The following GALNT13 variants were observed in gnomAD, a reference collection of about 807,000 sequenced individuals.
GALNT13 encodes polypeptide N-acetylgalactosaminyltransferase 13, also known as UDP-GalNAc:polypeptide N-acetylgalactosaminyltransferase 13.
GALNT13 carries 28 observed loss-of-function variants against 64.2 expected under a neutral mutation model. That is an observed-to-expected ratio of 0.44 (90% CI 0.32 to 0.60). The LOEUF (loss-of-function observed/expected upper bound fraction) is 0.60. Among genes scored for constraint, GALNT13 ranks in the 20% least tolerant of loss-of-function variants. GALNT13 has a pLI of 0.05. For synonymous variants in GALNT13, 214 were observed against 224.6 expected (o/e 0.95, Z 0.42); for missense variants, 577 against 669.8 (o/e 0.86, Z 1.53).
chr2:154,438,996 T>G (rs1219676065), intron 12 of GALNT13, among the ~76,000 whole-genome samples: 2 of 152,150 alleles, frequency 1.3e-5, no homozygotes, highest in Non-Finnish European at 2.9e-5. Flanking sequence ...CAAACATAAA[T>G]TAGGCAAGAG....
chr2:153,969,616 G>T (rs1693611940), intron 3 of GALNT13, among the ~76,000 whole-genome samples: 1 of 151,884 alleles, frequency 6.6e-6, no homozygotes. Context: ...TTTTCTTACA[G>T]TATTAAATTT....
chr2:153,575,894 A>G, the GALNT13 span, among the ~76,000 whole-genome samples: 1 of 152,116 alleles, frequency 6.6e-6, no homozygotes, highest in Non-Finnish European at 1.5e-5. Flanking sequence ...GGCTTACTTA[A>G]GGCCCTTGAT....
the GALNT13 span, among the ~76,000 whole-genome samples, chr2:153,074,421 A>G: frequency 1.8e-4 from 28 of 152,288 alleles, no homozygotes; most frequent in African/African-American, 5.3e-4. Context: ...GTGTTACTTA[A>G]CAATGGGGAT....
At chr2:154,271,006 C>A (rs1451781963) in intron 8 of GALNT13, among the ~76,000 whole-genome samples, 11 of 151,872 alleles carry the variant, frequency 7.2e-5, no homozygotes, top group Non-Finnish European at 1.6e-4. Flanking sequence ...TGTTAGCATT[C>A]TTTTCTCTTA....
At chr2:153,592,028 A>G in the GALNT13 span, among the ~76,000 whole-genome samples, 23,193 of 151,880 alleles carry the variant, frequency 0.15, 1,884 homozygotes, top group African/African-American at 0.19. Context: ...CATGAACAGA[A>G]TTTTTTCAAA....
the GALNT13 span, among the ~76,000 whole-genome samples, chr2:153,294,915 G>A: frequency 1.3e-5 from 2 of 152,110 alleles, no homozygotes; most frequent in Non-Finnish European, 2.9e-5. Context: ...CAAAGCTTTA[G>A]ACTCCAAGAA....
At chr2:153,111,915 T>C in the GALNT13 span, among the ~76,000 whole-genome samples, 1 of 152,170 alleles carries the variant, frequency 6.6e-6, no homozygotes, top group Non-Finnish European at 1.5e-5. Flanking sequence ...ATCTAATACT[T>C]ATGGCTTATT....
the GALNT13 span, among the ~76,000 whole-genome samples, chr2:153,239,800 T>G: frequency 6.6e-6 from 1 of 152,202 alleles, no homozygotes; most frequent in Non-Finnish European, 1.5e-5. Context: ...TTTTGATGTG[T>G]CTTTGCCTGG....
intron 3 of GALNT13, among the ~76,000 whole-genome samples, chr2:154,034,839 T>G (rs955337525): frequency 2.6e-5 from 4 of 152,160 alleles, no homozygotes; most frequent in African/African-American, 9.6e-5. Flanking sequence ...CACAGATAAC[T>G]GCAAGTTAAA....
the GALNT13 span, among the ~76,000 whole-genome samples, chr2:153,633,946 A>G: frequency 6.6e-6 from 1 of 152,312 alleles, no homozygotes; most frequent in East Asian, 1.9e-4. Flanking sequence ...TGTCTGACTT[A>G]AATTCTACAG....
chr2:153,864,842 G>A, the GALNT13 span, among the ~76,000 whole-genome samples: 12 of 147,982 alleles, frequency 8.1e-5, no homozygotes, highest in Middle Eastern at 3.4e-3. Flanking sequence ...AAAAGAGCCC[G>A]CATCGCCAAG....
At chr2:153,913,988 G>A (rs990838342) in intron 2 of GALNT13, among the ~76,000 whole-genome samples, 2 of 151,922 alleles carry the variant, frequency 1.3e-5, no homozygotes, top group Non-Finnish European at 2.9e-5. Flanking sequence ...TTTAAATATC[G>A]CCCTTGCATA....
At chr2:153,916,080 T>C (rs1689317742) in intron 2 of GALNT13, among the ~76,000 whole-genome samples, 1 of 152,000 alleles carries the variant, frequency 6.6e-6, no homozygotes, top group South Asian at 2.1e-4. Context: ...TCTTTTCTTT[T>C]CTTTTTCCTT....
chr2:154,435,581 A>G (rs745954441), intron 11 of GALNT13, among the ~76,000 whole-genome samples: 5 of 152,214 alleles, frequency 3.3e-5, no homozygotes, highest in Non-Finnish European at 2.9e-5. Context: ...AAATTATCAG[A>G]AACATCTGTC....
the GALNT13 span, among the ~76,000 whole-genome samples, chr2:153,403,637 G>A: frequency 4.1e-4 from 62 of 152,272 alleles, no homozygotes; most frequent in African/African-American, 1.4e-3. Context: ...GTGATGCGCC[G>A]TTTTTCAAGC....
chr2:153,112,375 T>G, the GALNT13 span, among the ~76,000 whole-genome samples: 1 of 152,138 alleles, frequency 6.6e-6, no homozygotes, highest in Non-Finnish European at 1.5e-5. Flanking sequence ...TGACTGGGTG[T>G]GTTAGTCTGT....
chr2:153,211,308 A>C, the GALNT13 span, among the ~76,000 whole-genome samples: 1 of 151,810 alleles, frequency 6.6e-6, no homozygotes, highest in East Asian at 2.0e-4. Context: ...ATGCCCAACT[A>C]ATTTTTTGTA....
intron 3 of GALNT13, among the ~76,000 whole-genome samples, chr2:154,057,946 T>C (rs1699981395): frequency 6.6e-6 from 1 of 152,222 alleles, no homozygotes; most frequent in Admixed American, 6.5e-5. Flanking sequence ...TCAACTAATA[T>C]TTATTGAACA....
chr2:153,110,155 C>T, the GALNT13 span, among the ~76,000 whole-genome samples: 1 of 152,066 alleles, frequency 6.6e-6, no homozygotes, highest in Admixed American at 6.6e-5. Context: ...TCCATAAATT[C>T]TATCAGTAAA....
Sources: allele counts gnomAD v4.1 joint callset (sites outside exome capture counted in the v4.1 genomes callset), GRCh38; gene constraint gnomAD v4.1.1; transcripts MANE v1.5; gene names NCBI Gene and HGNC (gene_info 2026-07-23, HGNC 2026-07-21).